The following WNK1 variants were observed in gnomAD, a reference collection of about 807,000 sequenced individuals.
WNK1 encodes the protein serine/threonine-protein kinase WNK1.
In WNK1, 38 loss-of-function variants were observed where a neutral mutation model predicts 222.8. The observed-to-expected ratio is 0.17, with a 90% confidence interval of 0.13 to 0.22. The LOEUF is 0.22. Ranked by LOEUF, WNK1 falls within the 10% of genes least tolerant of loss-of-function variation. WNK1 has a pLI of 1.00. For synonymous variants in WNK1, 1,090 were observed against 1,092.9 expected, an observed-to-expected ratio of 1.00 and a Z score of 0.05; for missense variants, 2,348 against 2,918.4, an observed-to-expected ratio of 0.80 and a Z score of 4.50.
chr12:889,330 A>G, intron 21 of WNK1, 107 bp downstream of exon 21: 2 of 967,578 alleles, frequency 2.1e-6, no homozygotes, highest in Non-Finnish European at 3.3e-6. Flanking sequence ...ACATGTATTC[A>G]GAGTTCCTGC....
intron 8 of WNK1, among the ~76,000 whole-genome samples, chr12:870,932 G>T (rs939162359): frequency 6.6e-6 from 1 of 152,086 alleles, no homozygotes; most frequent in African/African-American, 2.4e-5. Context: ...TTAATACTTT[G>T]TTCCTGATTA....
chr12:874,920 AAG>A (rs1430087506), intron 9 of WNK1, among the ~76,000 whole-genome samples: 1 of 152,132 alleles, frequency 6.6e-6, no homozygotes, highest in Admixed American at 6.5e-5. Flanking sequence ...CATCTCTCCC[AAG>A]CAGGAAAGGG....
intron 4 of WNK1, among the ~76,000 whole-genome samples, chr12:846,010 A>G (rs1950000348): frequency 6.6e-6 from 1 of 152,248 alleles, no homozygotes; most frequent in African/African-American, 2.4e-5. Context: ...GCCTAAGGAC[A>G]TGCAGGAGAA....
chr12:885,394 T>TA lies in WNK1; in HGVS notation c.4592dup (p.Thr1532AspfsTer4). Reference sequence around the variant, plus strand: ...TGGTAGTTAGCGCACACTCACTAGATAAGACATCTCATAGCAGTACAACTG... The same window carrying TA: ...TGGTAGTTAGCGCACACTCACTAGATAAAGACATCTCATAGCAGTACAACTG... On this transcript the variant is annotated frameshift_variant, in exon 19 of 28. Coordinates refer to ENST00000315939, the MANE Select transcript of WNK1 (RefSeq NM_018979.4). LOFTEE classifies it high-confidence loss of function. 6.2e-7 allele frequency: 1 copy of TA among 1,613,774 alleles called. No individual in the cohort carries two copies. Among genetic ancestry groups the TA allele is most frequent in the Non-Finnish European group, 8.5e-7 (1 of 1,180,036 alleles).
intron 4 of WNK1, among the ~76,000 whole-genome samples, chr12:847,106 A>G (rs563500603): frequency 2.6e-5 from 4 of 152,338 alleles, no homozygotes; most frequent in South Asian, 4.1e-4. Flanking sequence ...AGGTGGTAGC[A>G]TTCCCAGTGT....
intron 14 of WNK1, 99 bp downstream of exon 14, chr12:882,172 TAAA>T: frequency 7.6e-7 from 1 of 1,310,992 alleles, no homozygotes; most frequent in Non-Finnish European, 1.1e-6. Context: ...CTTCATAAAA[TAAA>T]GATAACTATC....
At chr12:816,679 A>G (rs1460533140) in intron 2 of WNK1, among the ~76,000 whole-genome samples, 1 of 152,170 alleles carries the variant, frequency 6.6e-6, no homozygotes, top group Non-Finnish European at 1.5e-5. Flanking sequence ...CGAAGAACAT[A>G]CATGATAATT....
At chr12:779,598 C>T (rs994961302) in intron 1 of WNK1, among the ~76,000 whole-genome samples, 2 of 151,992 alleles carry the variant, frequency 1.3e-5, no homozygotes, top group East Asian at 1.9e-4. Context: ...GACAGGGTTT[C>T]GCCATGTTGG....
intron 6 of WNK1, 150 bp from the exon 7 acceptor site, chr12:860,863 T>G: frequency 1.3e-6 from 1 of 765,442 alleles, no homozygotes; most frequent in Non-Finnish European, 2.2e-6. Flanking sequence ...GATTTTACAG[T>G]TCGGTTAAGG....
chr12:842,574 G>T (rs1949711111), intron 4 of WNK1, among the ~76,000 whole-genome samples: 1 of 151,888 alleles, frequency 6.6e-6, no homozygotes, highest in Non-Finnish European at 1.5e-5. Context: ...GACTTCATAG[G>T]GCAGACCAAA....
rs78116215 is a variant in WNK1, at chr12:790,875, C to A, written c.760-22767C>A. The stretch of plus-strand genomic sequence containing the variant: ...CTGGTTCTTTCTGCCTGATCTCTTC[C>A]TCTTAATTTTAGAAATGAAGATGTA... On this transcript the variant is annotated intron_variant, in intron 1 of 27. Transcript: ENST00000315939. Among the ~76,000 whole-genome samples, 49 of 152,044 alleles carry A rather than the reference C, an allele frequency of 3.2e-4. No individual in the cohort carries two copies. The East Asian group carries it at 9.3e-3, about 29-fold the overall frequency.
chr12:828,817 T>C (rs1218788830), intron 3 of WNK1, among the ~76,000 whole-genome samples: 1 of 152,228 alleles, frequency 6.6e-6, no homozygotes, highest in Non-Finnish European at 1.5e-5. Flanking sequence ...ACATTCTATT[T>C]ACTCCCTCCA....
intron 20 of WNK1, among the ~76,000 whole-genome samples, chr12:888,295 C>G (rs1391377508): frequency 6.6e-6 from 1 of 152,126 alleles, no homozygotes; most frequent in Non-Finnish European, 1.5e-5. Flanking sequence ...AGAAAGCACT[C>G]CATCAGCCAC....
chr12:772,775 G>A (rs996106905), intron 1 of WNK1, among the ~76,000 whole-genome samples: 2 of 152,042 alleles, frequency 1.3e-5, no homozygotes, highest in African/African-American at 4.8e-5. Flanking sequence ...AGAAGTCATG[G>A]TTGATATATT....
At chr12:805,434 A>C (rs1405438873) in intron 1 of WNK1, among the ~76,000 whole-genome samples, 2 of 152,214 alleles carry the variant, frequency 1.3e-5, no homozygotes, top group Non-Finnish European at 2.9e-5. Flanking sequence ...TTGTATGTGT[A>C]AATGGAAAAA....
At chr12:844,879 T>A (rs1272188287) in intron 4 of WNK1, among the ~76,000 whole-genome samples, 1 of 149,526 alleles carries the variant, frequency 6.7e-6, no homozygotes, top group Non-Finnish European at 1.5e-5. Context: ...CCTTGAAATA[T>A]TGTACCTTCT....
Position 880,995 on chromosome 12 carries a change from T to C in WNK1, c.3107T>C (p.Leu1036Ser). 6.2e-7 allele frequency: 1 copy of C among 1,614,176 alleles called. No homozygotes were observed. Among genetic ancestry groups the C allele is most frequent in the Non-Finnish European group, 8.5e-7 (1 of 1,180,036 alleles). ...APTTSSQQAV[L>S]ESTQGVSQVA... ...ACTACATCCTCCCAGCAAGCAGTTT[T>C]GGAGGTAAATAGAATTACTGCATGT... is the stretch of plus-strand genomic sequence containing the variant. Residue 1036 changes from leucine (L) to serine (S), a missense_variant, in exon 12 of 28, where the codon TTG becomes TCG. This residue lies in a region of WNK1 where 547 missense variants were observed against 558.3 expected (regional missense o/e 0.98). Coordinates refer to ENST00000315939, the MANE Select transcript of WNK1 (RefSeq NM_018979.4).
intron 12 of WNK1, 34 bp downstream of exon 12, chr12:881,033 C>T (rs774544948): frequency 7.4e-5 from 119 of 1,612,598 alleles, no homozygotes; most frequent in Middle Eastern, 1.6e-4. Flanking sequence ...ATATGTAAAA[C>T]GTATATATGT....
chr12:768,000 C>T (rs1375378966), intron 1 of WNK1, among the ~76,000 whole-genome samples: 1 of 152,192 alleles, frequency 6.6e-6, no homozygotes, highest in Admixed American at 6.5e-5. Context: ...AAAAAGCCAC[C>T]AGCCATTAAT....
Sources: gnomAD v4.1 joint callset for allele counts (sites outside exome capture counted in the v4.1 genomes callset) on GRCh38, gnomAD v4.1.1 for gene constraint, gnomAD v4.1.1 regional missense constraint, MANE v1.5 for transcripts, NCBI Gene and HGNC (gene_info 2026-07-23, HGNC 2026-07-21) for gene names.